Variants in DRC3 observed in about 807,000 individuals in gnomAD.
The protein encoded by DRC3 is leucine rich repeat containing 48.
In DRC3, 45 loss-of-function variants were observed where a neutral mutation model predicts 57.6. The ratio of observed to expected loss-of-function variants is 0.78; its 90% CI spans 0.62 to 1.00. The LOEUF (loss-of-function observed/expected upper bound fraction) is 1.00, where lower values mean the gene tolerates loss of function less well. Among genes scored for constraint, DRC3 ranks in the 50% least tolerant of loss-of-function variants. The pLI is 0.00. For missense variants in DRC3, 655 were observed against 675.2 expected, an observed-to-expected ratio of 0.97 and a Z score of 0.33; for synonymous variants, 257 against 272.3, an observed-to-expected ratio of 0.94 and a Z score of 0.55.
chr17:17,985,994 C>G (rs150832914), intron 4 of DRC3, among the ~76,000 whole-genome samples: 601 of 152,146 alleles, frequency 4.0e-3, no homozygotes, highest in African/African-American at 0.014. Flanking sequence ...TCACTATAAC[C>G]TCTGCCTCCC....
At position 17,988,026 on chromosome 17, in the gene DRC3, C is replaced by T. The variant is rs770847708; in HGVS notation, c.372C>T (p.Ile124=). 2.3e-5 allele frequency: 37 copies of T among 1,613,896 alleles called. No individual in the cohort carries two copies. Among genetic ancestry groups the T allele is most frequent in the African/African-American group, 5.3e-5 (4 of 74,926 alleles). Reference sequence around the variant, plus strand: ...TGTTCAACAACCGGATCTCCAAGATCGACTCCCTGGACGCCCTCGTCAAGC... The same window carrying T: ...TGTTCAACAACCGGATCTCCAAGATTGACTCCCTGGACGCCCTCGTCAAGC... The part of the protein sequence containing the change: ...LSLFNNRISK[I]DSLDALVKLQ... Residue 124 remains isoleucine, a synonymous_variant, in exon 5 of 14, where the codon ATC becomes ATT. Coordinates refer to ENST00000399187, the MANE Select transcript of DRC3 (RefSeq NM_031294.4).
intron 5 of DRC3, among the ~76,000 whole-genome samples, chr17:17,991,135 C>G (rs1253024301): frequency 6.6e-6 from 1 of 152,058 alleles, no homozygotes; most frequent in East Asian, 1.9e-4. Flanking sequence ...TGCTAGGTGA[C>G]TAATAGTGTT....
At chr17:17,997,107 A>C (rs1011830257) in intron 8 of DRC3, among the ~76,000 whole-genome samples, 2 of 152,112 alleles carry the variant, frequency 1.3e-5, no homozygotes, top group Non-Finnish European at 2.9e-5. Context: ...ACCGGCTCGC[A>C]GGCCCCCAGG....
At chr17:17,983,763 C>T (rs1041944039) in intron 3 of DRC3, 65 bp from the exon 4 acceptor site, 30 of 1,195,212 alleles carry the variant, frequency 2.5e-5, no homozygotes, top group Non-Finnish European at 3.6e-5. Flanking sequence ...TGCCTCACTC[C>T]TCCTGTACAC....
At chr17:17,978,346 T>C (rs528667799) in intron 3 of DRC3, among the ~76,000 whole-genome samples, 12 of 152,128 alleles carry the variant, frequency 7.9e-5, no homozygotes, top group East Asian at 3.9e-4. Context: ...GTCTCGAGCA[T>C]TGGGTGGGGG....
Position 17,994,427 on chromosome 17 carries a change from C to A in DRC3, c.711+9C>A. On this transcript the variant is annotated intron_variant, in intron 7 of 13. Coordinates refer to ENST00000399187, the MANE Select transcript of DRC3 (RefSeq NM_031294.4). ...AGCTAGAGAAGCACAAGGTACCGTT[C>A]CGGCAGGCTGCACGCCCTCGGCCCC... The A allele has an allele frequency of 6.4e-7, 1 of 1,550,738 alleles. No homozygotes were observed. The highest frequency in any genetic ancestry group is 1.2e-5 in the South Asian group (1 of 84,010).
chr17:17,975,684 G>C (rs961607699), intron 2 of DRC3, among the ~76,000 whole-genome samples: 2 of 152,182 alleles, frequency 1.3e-5, no homozygotes, highest in Non-Finnish European at 2.9e-5. Context: ...ACTGTCTTTG[G>C]GGGTAGAATC....
chr17:17,981,631 T>C (rs1307775440), intron 3 of DRC3: 1 of 152,400 alleles, frequency 6.6e-6, no homozygotes, highest in Non-Finnish European at 1.5e-5. Flanking sequence ...GTGGCAGGGA[T>C]GCAGCAGACT....
intron 4 of DRC3, 77 bp from the exon 5 acceptor site, chr17:17,987,855 G>A: frequency 1.3e-6 from 2 of 1,492,712 alleles, no homozygotes; most frequent in Non-Finnish European, 1.8e-6. Flanking sequence ...GCACTCAGTA[G>A]CCCTGATGGT....
intron 4 of DRC3, 132 bp downstream of exon 4, chr17:17,984,076 G>A (rs369652723): frequency 9.9e-6 from 6 of 603,146 alleles, no homozygotes; most frequent in Admixed American, 6.3e-5. Flanking sequence ...TACGGCAGAA[G>A]CTCTGCCTGC....
chr17:17,988,243 T>A (rs1256240508), intron 5 of DRC3, 145 bp downstream of exon 5: 16 of 865,826 alleles, frequency 1.8e-5, no homozygotes, highest in Middle Eastern at 7.0e-4. Flanking sequence ...TCTGGATTAC[T>A]CCATGAGGGA....
rs769694904 is a variant in DRC3 at position 17,997,547 on chromosome 17, C to T, written c.912C>T (p.Thr304=). The T allele has an allele frequency of 6.2e-7, 1 of 1,610,870 alleles. No individual in the cohort carries two copies. The highest frequency in any genetic ancestry group is 1.1e-5 in the South Asian group (1 of 90,474). Residue 304 remains threonine, a synonymous_variant, in exon 9 of 14, where the codon ACC becomes ACT. Transcript: ENST00000399187. The stretch of plus-strand genomic sequence containing the variant: ...AGAAGCGGAAAACAGAGCTTGACAC[C>T]TTCAGTGAATGTGTCCGTGAGGCCA... ...QQEKRKTELD[T]FSECVREAIQ... is the part of the protein sequence containing the mutation.
At chr17:18,004,287 C>T in intron 9 of DRC3, 76 bp from the exon 10 acceptor site, 1 of 1,512,260 alleles carries the variant, frequency 6.6e-7, no homozygotes, top group South Asian at 1.2e-5. Context: ...TTCTTACCCA[C>T]AAAACCAAAT....
In DRC3 at chr17:18,015,133, A is replaced by G. The variant is rs373184359; in HGVS notation, c.1327-931A>G. 6 of 152,366 alleles carry G rather than the reference A, an allele frequency of 3.9e-5. No individual in the cohort carries two copies. The East Asian group carries it at 1.2e-3, about 29-fold the overall frequency. 9.4% of individuals were successfully genotyped at this position (152,366 alleles called of 1,614,324 possible). On this transcript the variant is annotated intron_variant, in intron 12 of 13. Transcript: ENST00000399187. Reference sequence around the variant, plus strand: ...AATACTTTGTGCCCAGCAAATCTTTAGGAGGGGCCTAGGATGTGCTGGCTT... The same window carrying G: ...AATACTTTGTGCCCAGCAAATCTTTGGGAGGGGCCTAGGATGTGCTGGCTT...
intron 8 of DRC3, 122 bp downstream of exon 8, chr17:17,995,233 C>A (rs995725556): frequency 1.5e-6 from 1 of 679,348 alleles, no homozygotes; most frequent in African/African-American, 1.8e-5. Context: ...GGTAAAATCT[C>A]CACTTGAGAG....
Position 17,983,926 on chromosome 17 carries a change from G to A in DRC3, c.259G>A (p.Ala87Thr), listed in dbSNP as rs370552607. The change falls in exon 4 of 14, where the codon GCA becomes ACA. Residue 87 changes from alanine (A) to threonine (T), a missense_variant. By Grantham distance (58) the Ala-to-Thr change is moderately conservative. Transcript: ENST00000399187. ...IEKIEGLENL[A>T]HLVWLDLSFN... is the part of the protein sequence containing the mutation. ...GAAGATCGAGGGCCTGGAGAACCTC[G>A]CACACCTGGTCTGGCTGGGTAAGGC... 1.2e-5 allele frequency: 19 copies of A among 1,611,990 alleles called. No individual in the cohort carries two copies. Among genetic ancestry groups the A allele is most frequent in the East Asian group, 4.5e-5 (2 of 44,868 alleles).
In DRC3 at chr17:17,988,116, C is replaced by T. The variant is rs763580804; in HGVS notation, c.444+18C>T. 1 of 1,610,046 alleles carries T rather than the reference C, an allele frequency of 6.2e-7. No individual in the cohort carries two copies. Among genetic ancestry groups the T allele is most frequent in the East Asian group, 2.2e-5 (1 of 44,796 alleles). On this transcript the variant is annotated intron_variant, in intron 5 of 13. Transcript: ENST00000399187. ...TGATGAACGTGAGTGGCCGCCCAGC[C>T]CGCCCTCACGCACACCTGCAGAGCC... is the stretch of plus-strand genomic sequence containing the variant.
At chr17:17,976,217 G>A (rs971644803) in intron 2 of DRC3, among the ~76,000 whole-genome samples, 1 of 152,148 alleles carries the variant, frequency 6.6e-6, no homozygotes, top group African/African-American at 2.4e-5. Context: ...TGGAAAGTGG[G>A]GGAAAATATC....
At chr17:17,994,126 G>A in intron 6 of DRC3, 173 bp from the exon 7 acceptor site, 1 of 786,496 alleles carries the variant, frequency 1.3e-6, no homozygotes, top group Non-Finnish European at 1.9e-6. Flanking sequence ...GGGTCATCAG[G>A]AGATGGGCAT....
Sources: gnomAD v4.1 joint callset for allele counts (sites outside exome capture counted in the v4.1 genomes callset) on GRCh38, gnomAD v4.1.1 for gene constraint, MANE v1.5 for transcripts, NCBI Gene and HGNC (gene_info 2026-07-23, HGNC 2026-07-21) for gene names.